The following CHURC1 variants were observed in gnomAD, a reference collection of about 807,000 sequenced individuals.
CHURC1 encodes protein Churchill.
A neutral mutation model predicts 15.4 loss-of-function variants in CHURC1; 12 were observed. The observed-to-expected ratio is 0.78, with a 90% CI of 0.50 to 1.27. The LOEUF (loss-of-function observed/expected upper bound fraction) is 1.27. Ranked by LOEUF, CHURC1 falls within the 50% of genes most tolerant of loss-of-function variation. The probability of loss-of-function intolerance (pLI) is 0.00; values close to 1 mark genes in which losing one functional copy is unlikely to be tolerated. For missense variants in CHURC1, 132 were observed against 137.8 expected (o/e 0.96, Z 0.21); for synonymous variants, 42 against 47.5 (o/e 0.88, Z 0.48).
chr14:64,922,439 G>A (rs1427769092), intron 1 of CHURC1, among the ~76,000 whole-genome samples: 5 of 151,840 alleles, frequency 3.3e-5, no homozygotes, highest in South Asian at 4.2e-4. Flanking sequence ...TTAGCAGGGC[G>A]TGGTGGCGGG....
chr14:64,916,129 A>T (rs1883866249), intron 1 of CHURC1, among the ~76,000 whole-genome samples: 1 of 152,236 alleles, frequency 6.6e-6, no homozygotes, highest in African/African-American at 2.4e-5. Context: ...CCAAACTAGA[A>T]TTACACAGCA....
At chr14:64,920,365 A>G (rs2139885964) in intron 1 of CHURC1, among the ~76,000 whole-genome samples, 1 of 152,206 alleles carries the variant, frequency 6.6e-6, no homozygotes, top group African/African-American at 2.4e-5. Flanking sequence ...TTTGAATTGC[A>G]TTCTTTTCCA....
At chr14:64,926,209 GC>G in intron 3 of CHURC1, 129 bp downstream of exon 3, 2 of 329,754 alleles carry the variant, frequency 6.1e-6, no homozygotes, top group Non-Finnish European at 1.0e-5. Context: ...AGGAGACTAT[GC>G]CTTTTTTTTT....
intron 1 of CHURC1, among the ~76,000 whole-genome samples, chr14:64,916,575 TTTG>T (rs1437738566): frequency 2.6e-5 from 4 of 152,138 alleles, no homozygotes; most frequent in South Asian, 2.1e-4. Context: ...TGGATTCTTT[TTTG>T]TTGTTGTTTT....
chr14:64,928,831 GT>G (rs1212296217), intron 3 of CHURC1, among the ~76,000 whole-genome samples: 1 of 152,004 alleles, frequency 6.6e-6, no homozygotes, highest in Admixed American at 6.6e-5. Flanking sequence ...TTTTCTCTTA[GT>G]TTTCTTTCCT....
intron 1 of CHURC1, among the ~76,000 whole-genome samples, chr14:64,918,293 C>G (rs1315809488): frequency 6.6e-6 from 1 of 152,124 alleles, no homozygotes; most frequent in East Asian, 1.9e-4. Flanking sequence ...GTGGATGTTA[C>G]GGGTCTTAGA....
intron 1 of CHURC1, among the ~76,000 whole-genome samples, chr14:64,922,481 A>T (rs757233964): frequency 6.6e-6 from 1 of 151,310 alleles, no homozygotes; most frequent in Non-Finnish European, 1.5e-5. Context: ...GGGAAGCTGA[A>T]GCAGGAGAAT....
At chr14:64,919,147 C>G (rs548462475) in intron 1 of CHURC1, among the ~76,000 whole-genome samples, 1 of 152,006 alleles carries the variant, frequency 6.6e-6, no homozygotes, top group East Asian at 1.9e-4. Context: ...ATTTAGCAAA[C>G]CAGTCAGAAC....
At position 64,934,800 on chromosome 14, in the gene CHURC1, G is replaced by A. The variant is rs1447845894; in HGVS notation, c.*2570G>A. On this transcript the variant is annotated 3_prime_UTR_variant, in exon 4 of 4. Transcript: ENST00000549115. Reference sequence around the variant, plus strand: ...GAAGCCCAAGAGTCTAATTTTATATGCCCTGCCAATGTCCTCATCTATTGC... The same window carrying A: ...GAAGCCCAAGAGTCTAATTTTATATACCCTGCCAATGTCCTCATCTATTGC... 5 of 985,296 alleles carry A rather than the reference G, an allele frequency of 5.1e-6. No individual in the cohort carries two copies. Among genetic ancestry groups the A allele is most frequent in the Middle Eastern group, 5.2e-4 (1 of 1,914 alleles). The allele number at this position is 985,296 out of a possible 1,614,324, so 61.0% of individuals were successfully genotyped here.
rs1885257748 is a variant in CHURC1, at chr14:64,934,940, T to C, written c.*2710T>C. The C allele has an allele frequency of 1.1e-5, 11 of 984,340 alleles. No homozygotes were observed. The highest frequency in any genetic ancestry group is 1.3e-5 in the Non-Finnish European group (11 of 828,942). The allele number at this position is 984,340 out of a possible 1,614,324, so 61.0% of individuals were successfully genotyped here. On this transcript the variant is annotated 3_prime_UTR_variant, in exon 4 of 4. Transcript: ENST00000549115. ...CCACATTGTGCTGTGTTTTGTGATA[T>C]TTTATCATTTTCTAGATTCTTATGT...
At chr14:64,927,689 C>G in intron 3 of CHURC1, among the ~76,000 whole-genome samples, 1 of 149,420 alleles carries the variant, frequency 6.7e-6, no homozygotes. Context: ...AAACTAGACT[C>G]TCTACTCCCA....
At position 64,926,004 on chromosome 14, in the gene CHURC1, T is replaced by G. The variant is rs72726300; in HGVS notation, c.176-6T>G. 5.7e-6 allele frequency: 9 copies of G among 1,591,896 alleles called. No homozygotes were observed. In the African/African-American group the frequency reaches 8.1e-5, roughly 14 times the overall value. On this transcript the variant is annotated splice_polypyrimidine_tract_variant and splice_region_variant and intron_variant, in intron 2 of 3. Coordinates refer to ENST00000549115, the MANE Select transcript of CHURC1 (RefSeq NM_001386928.1). The stretch of plus-strand genomic sequence containing the variant: ...TAATTACGTAAGTCTCTCTTTGTTT[T>G]AGCAGATTTGTGTAAGAATTGTCAT...
rs753522829 is a variant in CHURC1, at chr14:64,914,516, G to C, written c.21G>C (p.Glu7Asp). The C allele has an allele frequency of 1.1e-5, 17 of 1,614,278 alleles. No homozygotes were observed. In the South Asian group the frequency reaches 1.8e-4, roughly 17 times the overall value. The part of the protein sequence containing the change: MCGDCV[E>D]KEYPNRGNTC... ...TCGCGATGTGTGGCGACTGTGTGGA[G>C]AAGGAATATCCCAACCGGGTGAGCG... Residue 7 changes from glutamate to aspartate, a missense_variant, in exon 1 of 4, where the codon GAG becomes GAC. Transcript: ENST00000549115.
At chr14:64,923,868 C>A (rs930811219) in intron 1 of CHURC1, 123 bp from the exon 2 acceptor site, 6 of 876,384 alleles carry the variant, frequency 6.8e-6, no homozygotes, top group Non-Finnish European at 7.5e-6. Flanking sequence ...GGTATATGAC[C>A]TAGAAGTAAA....
At chr14:64,915,029 G>C (rs904819005) in intron 1 of CHURC1, among the ~76,000 whole-genome samples, 1 of 152,258 alleles carries the variant, frequency 6.6e-6, no homozygotes, top group African/African-American at 2.4e-5. Context: ...TAGGTTTCCT[G>C]CCTGTTACCG....
In CHURC1 at chr14:64,933,971, T is replaced by A; in HGVS notation, c.*1741T>A. 2 of 985,424 alleles carry A rather than the reference T, an allele frequency of 2.0e-6. No individual in the cohort carries two copies. Among genetic ancestry groups the A allele is most frequent in the Non-Finnish European group, 2.4e-6 (2 of 829,920 alleles). 61.0% of individuals were successfully genotyped at this position (985,424 alleles called of 1,614,324 possible). Reference sequence around the variant, plus strand: ...CAGATATGGCTTGTTATTTGTAAGTTATCATGAAAAGGTTTATATTCACTA... The same window carrying A: ...CAGATATGGCTTGTTATTTGTAAGTAATCATGAAAAGGTTTATATTCACTA... On this transcript the variant is annotated 3_prime_UTR_variant, in exon 4 of 4. Coordinates refer to ENST00000549115, the MANE Select transcript of CHURC1 (RefSeq NM_001386928.1).
rs1158286361 is a variant in CHURC1, at chr14:64,935,055, A to G, written c.*2825A>G. On this transcript the variant is annotated 3_prime_UTR_variant, in exon 4 of 4. Coordinates refer to ENST00000549115, the MANE Select transcript of CHURC1 (RefSeq NM_001386928.1). ...ATTAGGGACATGGATGAAATTGGAAATCTTCATTCTCAGTAAACTATCGCA... is the reference window on the plus strand; with the variant it reads ...ATTAGGGACATGGATGAAATTGGAAGTCTTCATTCTCAGTAAACTATCGCA... The G allele has an allele frequency of 1.1e-6, 1 of 940,868 alleles. No individual in the cohort carries two copies. Among genetic ancestry groups the G allele is most frequent in the Non-Finnish European group, 1.3e-6 (1 of 789,668 alleles). The allele number at this position is 940,868 out of a possible 1,614,324, so 58.3% of individuals were successfully genotyped here. A position where few individuals can be genotyped will look rare whatever the true frequency, so the allele number is the denominator to read the frequency against.
At chr14:64,918,432 C>T (rs1013269036) in intron 1 of CHURC1, among the ~76,000 whole-genome samples, 2 of 152,166 alleles carry the variant, frequency 1.3e-5, no homozygotes, top group African/African-American at 2.4e-5. Flanking sequence ...ATCCTTCCAA[C>T]TCTGGGGTTC....
chr14:64,926,679 T>C (rs532785167), intron 3 of CHURC1, among the ~76,000 whole-genome samples: 2 of 152,346 alleles, frequency 1.3e-5, no homozygotes, highest in South Asian at 4.1e-4. Context: ...TGAACAACTC[T>C]GCAGTCTCAT....
Sources: gnomAD v4.1 joint callset for allele counts (sites outside exome capture counted in the v4.1 genomes callset) on GRCh38, gnomAD v4.1.1 for gene constraint, MANE v1.5 for transcripts, NCBI Gene and HGNC (gene_info 2026-07-23, HGNC 2026-07-21) for gene names.